PSMC6: variants seen among roughly 807,000 people sequenced by gnomAD.
The protein encoded by PSMC6 is proteasome 26S subunit, ATPase 6.
A neutral mutation model predicts 55.9 loss-of-function variants in PSMC6; 3 were observed. The ratio of observed to expected loss-of-function variants is 0.05; its 90% CI spans 0.02 to 0.14. The LOEUF (loss-of-function observed/expected upper bound fraction) is 0.14, where lower values mean the gene tolerates loss of function less well. Ranked by LOEUF, PSMC6 falls within the 10% of genes least tolerant of loss-of-function variation. PSMC6 has a pLI of 1.00. For synonymous variants in PSMC6, 137 were observed against 155.9 expected, an observed-to-expected ratio of 0.88 and a Z score of 0.90; for missense variants, 210 against 478.7, an observed-to-expected ratio of 0.44 and a Z score of 5.24.
chr14:52,717,573 C>T (rs1056976081), intron 7 of PSMC6, among the ~76,000 whole-genome samples: 26 of 151,714 alleles, frequency 1.7e-4, no homozygotes, highest in African/African-American at 6.0e-4. Context: ...CTGCCCGCCT[C>T]AGCCTCCCAA....
At chr14:52,721,602 G>C (rs2041891650) in intron 12 of PSMC6, 1 of 155,050 alleles carries the variant, frequency 6.4e-6, no homozygotes, top group South Asian at 2.0e-4. Flanking sequence ...GGAGTTTGAG[G>C]TTGCAGGGAG....
rs1335408835 is a variant in PSMC6, at chr14:52,713,906, C to A, written c.467C>A (p.Pro156Gln). ...REVIELPLTN[P>Q]ELFQRVGIIP... ...GTGATAGAATTACCTCTTACAAACC[C>A]AGAGTTATTTCAGCGTGTAGGAATA... The change falls in exon 7 of 14, where the codon CCA (proline) becomes CAA (glutamine). Residue 156 changes from proline to glutamine, a missense_variant. Transcript: ENST00000445930. The A allele has an allele frequency of 6.3e-7, 1 of 1,598,404 alleles. No individual in the cohort carries two copies. Among genetic ancestry groups the A allele is most frequent in the African/African-American group, 1.3e-5 (1 of 74,342 alleles).
intron 6 of PSMC6, among the ~76,000 whole-genome samples, chr14:52,712,602 G>T (rs1330117911): frequency 6.6e-6 from 1 of 151,866 alleles, no homozygotes; most frequent in Non-Finnish European, 1.5e-5. Context: ...TCCCAGTCAC[G>T]CTTTATGCAC....
intron 12 of PSMC6, chr14:52,721,448 ATAAAGT>A (rs2041889266): frequency 2.9e-6 from 1 of 350,052 alleles, no homozygotes; most frequent in Admixed American, 4.4e-5. Context: ...GAAAAAACAG[ATAAAGT>A]TAGTAAAACA....
chr14:52,714,041 T>C (rs2041803501), intron 7 of PSMC6, 73 bp downstream of exon 7: 1 of 1,036,174 alleles, frequency 9.7e-7, no homozygotes, highest in Non-Finnish European at 1.4e-6. Flanking sequence ...AAGACAATTT[T>C]TTTATTTTTA....
chr14:52,726,762 C>G (rs1880431566), intron 13 of PSMC6, among the ~76,000 whole-genome samples: 1 of 152,024 alleles, frequency 6.6e-6, no homozygotes, highest in Non-Finnish European at 1.5e-5. Context: ...CTGCCTCAGC[C>G]TCCCAAGTAG....
chr14:52,710,221 A>T (rs747712104), intron 4 of PSMC6: 1 of 152,228 alleles, frequency 6.6e-6, no homozygotes, highest in Non-Finnish European at 1.5e-5. Context: ...AGGTCAGGAG[A>T]TCAAGACCAG....
At position 52,708,749 on chromosome 14, in the gene PSMC6, TG is replaced by T; in HGVS notation, c.206-14del. 6.2e-7 allele frequency: 1 copy of T among 1,611,954 alleles called. No individual in the cohort carries two copies. Among genetic ancestry groups the T allele is most frequent in the Non-Finnish European group, 8.5e-7 (1 of 1,179,530 alleles). On this transcript the variant is annotated splice_polypyrimidine_tract_variant and intron_variant, in intron 3 of 13. Coordinates refer to ENST00000445930, the MANE Select transcript of PSMC6 (RefSeq NM_002806.5). ...TTCTATTTTTCAATTAGTTCTTTTA[TG>T]TTTTTTCTTCTAGTCATTGTTAAAG...
chr14:52,725,813 C>T (rs1880387890), intron 13 of PSMC6, among the ~76,000 whole-genome samples: 1 of 152,206 alleles, frequency 6.6e-6, no homozygotes, highest in African/African-American at 2.4e-5. Flanking sequence ...CCAGGCCTGG[C>T]CAGGCATCTC....
intron 6 of PSMC6, 50 bp downstream of exon 6, chr14:52,711,574 G>A (rs530865505): frequency 7.9e-7 from 1 of 1,272,730 alleles, no homozygotes; most frequent in South Asian, 1.3e-5. Context: ...AATACTACTA[G>A]TTTTAGGATT....
rs560401962 is a variant in PSMC6, at chr14:52,717,681, T to C, written c.530-400T>C. 1.1e-4 allele frequency among the ~76,000 whole-genome samples: 16 copies of C among 151,964 alleles called. 1 individual carries two copies. In the South Asian group the frequency reaches 2.9e-3, roughly 28 times the overall value. On this transcript the variant is annotated intron_variant, in intron 7 of 13. Transcript: ENST00000445930. ...AGGATTTAGCTTTCATTTTGGAAAATTTACTTGCCAAACGATTATATTCTT... is the reference window on the plus strand; with the variant it reads ...AGGATTTAGCTTTCATTTTGGAAAACTTACTTGCCAAACGATTATATTCTT...
At chr14:52,710,909 T>G in intron 4 of PSMC6, 192 bp from the exon 5 acceptor site, 1 of 606,046 alleles carries the variant, frequency 1.7e-6, no homozygotes, top group East Asian at 3.1e-5. Flanking sequence ...GGCATGCTTT[T>G]AAGGAGCAGG....
intron 12 of PSMC6, chr14:52,723,268 A>G (rs2139857026): frequency 6.6e-6 from 1 of 152,424 alleles, no homozygotes; most frequent in Non-Finnish European, 1.5e-5. Context: ...ACGGTGCATC[A>G]TCAAAGTTAT....
In PSMC6 at chr14:52,711,458, G is replaced by A; in HGVS notation, c.375G>A (p.Glu125=). 1 of 1,613,180 alleles carries A rather than the reference G, an allele frequency of 6.2e-7. No homozygotes were observed. Among genetic ancestry groups the A allele is most frequent in the Non-Finnish European group, 8.5e-7 (1 of 1,179,302 alleles). Residue 125 remains glutamate (E), a synonymous_variant, in exon 6 of 14, where the codon GAG becomes GAA. Coordinates refer to ENST00000445930, the MANE Select transcript of PSMC6 (RefSeq NM_002806.5). ...CACTGGTTTATAACATGTCTCATGA[G>A]GACCCTGGGAATGTTTCTTATTCTG... is the stretch of plus-strand genomic sequence containing the variant. The part of the protein sequence containing the change: ...VDPLVYNMSH[E]DPGNVSYSEI...
chr14:52,724,745 A>G (rs1187620970), intron 13 of PSMC6, among the ~76,000 whole-genome samples: 2 of 152,318 alleles, frequency 1.3e-5, no homozygotes, highest in African/African-American at 4.8e-5. Context: ...AAGTAGCTTT[A>G]ATACCCTACC....
intron 4 of PSMC6, 99 bp downstream of exon 4, chr14:52,708,915 C>T: frequency 6.6e-7 from 1 of 1,511,154 alleles, no homozygotes; most frequent in African/African-American, 1.4e-5. Flanking sequence ...AGCATTTATG[C>T]CCATAACTCA....
chr14:52,719,116 C>A (rs1045553544), intron 10 of PSMC6, 78 bp downstream of exon 10: 5 of 1,156,580 alleles, frequency 4.3e-6, no homozygotes, highest in Admixed American at 2.1e-5. Flanking sequence ...ATTTGATAGT[C>A]AAAATATATA....
chr14:52,712,010 T>C (rs117516552), intron 6 of PSMC6, among the ~76,000 whole-genome samples: 4,918 of 152,330 alleles, frequency 0.032, 116 homozygotes, highest in Non-Finnish European at 0.05. Context: ...TTAAATCTTG[T>C]AAGCTTTTAG....
intron 13 of PSMC6, among the ~76,000 whole-genome samples, chr14:52,725,844 A>G (rs2139860280): frequency 6.6e-6 from 1 of 152,328 alleles, no homozygotes; most frequent in Admixed American, 6.5e-5. Flanking sequence ...TTACTTATTC[A>G]CTAAAGTGAT....
Sources: gnomAD v4.1 joint callset for allele counts (sites outside exome capture counted in the v4.1 genomes callset) on GRCh38, gnomAD v4.1.1 for gene constraint, MANE v1.5 for transcripts, NCBI Gene and HGNC (gene_info 2026-07-23, HGNC 2026-07-21) for gene names.